The following FAM53A variants were observed in gnomAD, a reference collection of about 807,000 sequenced individuals.
FAM53A encodes family with sequence similarity 53 member A.
FAM53A carries 28 observed loss-of-function variants against 26.6 expected under a neutral mutation model. That is an observed-to-expected ratio of 1.05 (90% confidence interval 0.78 to 1.45). The LOEUF (loss-of-function observed/expected upper bound fraction) is 1.45, where lower values mean the gene tolerates loss of function less well. FAM53A is among the 40% of genes most tolerant of loss of function. The pLI is 0.00. For synonymous variants in FAM53A, 290 were observed against 253.1 expected (o/e 1.15, Z -1.38); for missense variants, 650 against 575.8 (o/e 1.13, Z -1.32).
chr4:1,584,633 C>T, the FAM53A span, among the ~76,000 whole-genome samples: 3 of 152,222 alleles, frequency 2.0e-5, no homozygotes, highest in East Asian at 1.9e-4. Flanking sequence ...CCATTGGCCA[C>T]TCCCGTGGCT....
chr4:1,623,157 C>T (rs1242560180), intron 1 of FAM53A, among the ~76,000 whole-genome samples: 2 of 152,184 alleles, frequency 1.3e-5, no homozygotes, highest in Non-Finnish European at 2.9e-5. Context: ...AGCCCTCCAG[C>T]AGTCCACGGC....
At chr4:1,581,536 C>G in the FAM53A span, among the ~76,000 whole-genome samples, 15 of 152,212 alleles carry the variant, frequency 9.9e-5, no homozygotes, top group Admixed American at 6.5e-4. Context: ...ATATTACTGG[C>G]AAAACCCAAT....
Position 1,680,345 on chromosome 4 carries a change from A to AAAC in FAM53A, c.-165+3887_-165+3888insGTT, listed in dbSNP as rs71167748. Among the ~76,000 whole-genome samples the AAAC allele has an allele frequency of 1.9e-4, 28 of 145,804 alleles. 1 individual carries two copies. In the East Asian group the frequency reaches 3.0e-3, roughly 15 times the overall value. ...AAAAAAAAAAAAAAAAAAAAAAAAA[A>AAAC]CACACCACTACACACAAGGTACCAC... is the stretch of plus-strand genomic sequence containing the variant. On this transcript the variant is annotated intron_variant, in intron 1 of 4. Coordinates refer to ENST00000308132, the MANE Select transcript of FAM53A (RefSeq NM_001174070.3).
intron 3 of FAM53A, among the ~76,000 whole-genome samples, chr4:1,657,186 C>T (rs1264445497): frequency 1.3e-5 from 2 of 152,246 alleles, no homozygotes; most frequent in East Asian, 1.9e-4. Flanking sequence ...TGGCTGGGCC[C>T]GCACCCTACA....
chr4:1,652,203 A>C (rs1392776289), intron 4 of FAM53A, among the ~76,000 whole-genome samples: 3 of 139,172 alleles, frequency 2.2e-5, no homozygotes, highest in African/African-American at 8.4e-5. Context: ...CACACACACC[A>C]CACATGCCAC....
At position 1,630,522 on chromosome 4, in the gene FAM53A, C is replaced by T. The variant is rs1297437860; in HGVS notation, c.432-12411G>A. On this transcript the variant is annotated intron_variant, in intron 1 of 1. Coordinates refer to the FAM53A transcript ENST00000489029. The surrounding 1 kb of genome is among the most constrained non-coding windows in gnomAD (Gnocchi z 4.3). ...GTGTATGGGGACACACAGGCAAGAG[C>T]AGGGTCTACAAAAATACACGCCCCG... 1.3e-5 allele frequency among the ~76,000 whole-genome samples: 2 copies of T among 152,190 alleles called. No homozygotes were observed. Among genetic ancestry groups the T allele is most frequent in the Admixed American group, 1.3e-4 (2 of 15,282 alleles).
intron 1 of FAM53A, among the ~76,000 whole-genome samples, chr4:1,622,848 C>T (rs1196571308): frequency 6.6e-6 from 1 of 152,206 alleles, no homozygotes; most frequent in African/African-American, 2.4e-5. Context: ...CACCCTCTGC[C>T]TCGAGGGGCC....
chr4:1,643,781 G>T (rs1711979550), intron 4 of FAM53A, among the ~76,000 whole-genome samples: 1 of 151,814 alleles, frequency 6.6e-6, no homozygotes, highest in South Asian at 2.1e-4. Context: ...TGACCAGGCT[G>T]GTCTCAAACT....
chr4:1,674,668 CAA>C (rs34285756), intron 1 of FAM53A, among the ~76,000 whole-genome samples: 295 of 143,498 alleles, frequency 2.1e-3, no homozygotes, highest in African/African-American at 3.4e-3. Flanking sequence ...GACTCTGTCT[CAA>C]AAAAAAAAAA....
chr4:1,674,541 T>G (rs1483573106), intron 1 of FAM53A, among the ~76,000 whole-genome samples: 1 of 151,944 alleles, frequency 6.6e-6, no homozygotes, highest in African/African-American at 2.4e-5. Flanking sequence ...TGGTGGCACG[T>G]GCCTGTGGTC....
At chr4:1,658,364 C>T (rs1332146263) in intron 2 of FAM53A, among the ~76,000 whole-genome samples, 1 of 152,242 alleles carries the variant, frequency 6.6e-6, no homozygotes, top group Non-Finnish European at 1.5e-5. Context: ...CCTGTCCCTG[C>T]TCCTGAAGCT....
At chr4:1,663,329 G>A (rs879768826) in intron 2 of FAM53A, among the ~76,000 whole-genome samples, 1 of 152,166 alleles carries the variant, frequency 6.6e-6, no homozygotes, top group African/African-American at 2.4e-5. Context: ...GCAATCCCAC[G>A]ACTAGGTTTG....
At chr4:1,680,319 CAA>C (rs143458191) in intron 1 of FAM53A, among the ~76,000 whole-genome samples, 832 of 82,520 alleles carry the variant, frequency 0.01, 5 homozygotes, top group African/African-American at 0.043. Context: ...AACTCCGTCT[CAA>C]AAAAAAAAAA....
intron 1 of FAM53A, 32 bp from the exon 2 acceptor site, chr4:1,668,937 A>G (rs1026152794): frequency 7.4e-6 from 4 of 542,092 alleles, no homozygotes; most frequent in Non-Finnish European, 1.3e-5. Flanking sequence ...TCATCATGTG[A>G]TTATACGCAA....
the FAM53A span, among the ~76,000 whole-genome samples, chr4:1,605,900 C>T: frequency 0.046 from 6,960 of 152,220 alleles, 520 homozygotes; most frequent in African/African-American, 0.16. The surrounding 1 kb of genome is among the most constrained non-coding windows in gnomAD (Gnocchi z 5.7). Context: ...TCAGGGGGAC[C>T]CTCGTTGTCC....
chr4:1,576,436 C>T, the FAM53A span, among the ~76,000 whole-genome samples: 4 of 152,228 alleles, frequency 2.6e-5, no homozygotes, highest in Admixed American at 1.3e-4. Context: ...AGCACAGCGA[C>T]GTGTCCTGAT....
At chr4:1,648,515 C>T (rs887955155) in intron 4 of FAM53A, among the ~76,000 whole-genome samples, 3 of 152,106 alleles carry the variant, frequency 2.0e-5, no homozygotes, top group Non-Finnish European at 2.9e-5. Context: ...GGTTTGCAGA[C>T]GTGGCCCCTG....
chr4:1,603,007 C>T, the FAM53A span, among the ~76,000 whole-genome samples: 4 of 152,200 alleles, frequency 2.6e-5, no homozygotes, highest in South Asian at 4.1e-4. Context: ...CCCAGCCGTC[C>T]GGACACAGCT....
chr4:1,581,819 T>C, the FAM53A span, among the ~76,000 whole-genome samples: 1 of 152,062 alleles, frequency 6.6e-6, no homozygotes. Context: ...GGTCTCGAAC[T>C]CCTGACCTCA....
Sources: gnomAD v4.1 joint callset for allele counts (sites outside exome capture counted in the v4.1 genomes callset) on GRCh38, gnomAD v4.1.1 for gene constraint, Gnocchi (gnomAD v3.1) non-coding constraint, MANE v1.5 for transcripts, NCBI Gene and HGNC (gene_info 2026-07-23, HGNC 2026-07-21) for gene names.